VPS13B: variants seen among roughly 807,000 people sequenced by gnomAD.
VPS13B encodes vacuolar protein sorting 13 homolog B.
In VPS13B, 285 loss-of-function variants were observed where a neutral mutation model predicts 426.4. That is an observed-to-expected ratio of 0.67 (90% CI 0.61 to 0.74). The LOEUF is 0.74. Ranked by LOEUF, VPS13B falls within the 30% of genes least tolerant of loss-of-function variation. The pLI is 0.00. For synonymous variants in VPS13B, 1,676 were observed against 1,676.4 expected, an observed-to-expected ratio of 1.00 and a Z score of 0.01; for missense variants, 4,537 against 4,782.6, an observed-to-expected ratio of 0.95 and a Z score of 1.51.
chr8:99,037,539 T>A (rs575737881), intron 2 of VPS13B, among the ~76,000 whole-genome samples: 14 of 152,292 alleles, frequency 9.2e-5, no homozygotes, highest in African/African-American at 3.1e-4. Context: ...ATTGTTACTG[T>A]GTTGCTGAAC....
intron 19 of VPS13B, among the ~76,000 whole-genome samples, chr8:99,345,578 G>A (rs1313231922): frequency 3.3e-5 from 5 of 152,102 alleles, no homozygotes; most frequent in Admixed American, 1.3e-4. Flanking sequence ...AAAACAGTGA[G>A]TAGAACTTTG....
At chr8:99,301,542 G>A (rs944175108) in intron 19 of VPS13B, among the ~76,000 whole-genome samples, 1 of 151,654 alleles carries the variant, frequency 6.6e-6, no homozygotes, top group Non-Finnish European at 1.5e-5. Flanking sequence ...TGCCTGCCTC[G>A]GCCTCCCAAA....
At position 99,780,231 on chromosome 8, in the gene VPS13B, C is replaced by A. The variant is rs1398745307; in HGVS notation, c.7779+1200C>A. Among the ~76,000 whole-genome samples the A allele has an allele frequency of 2.6e-5, 4 of 152,018 alleles. No homozygotes were observed. The South Asian group carries it at 8.3e-4, about 32-fold the overall frequency. ...TGTGAAAAAAAAGACCTCTATGGCTCCAATTTCTGTTTTTTGGTTGTATTT... is the reference window on the plus strand; with the variant it reads ...TGTGAAAAAAAAGACCTCTATGGCTACAATTTCTGTTTTTTGGTTGTATTT... On this transcript the variant is annotated intron_variant, in intron 42 of 61. Transcript: ENST00000357162.
chr8:99,836,588 T>C (rs1418380167), intron 54 of VPS13B, among the ~76,000 whole-genome samples: 1 of 152,236 alleles, frequency 6.6e-6, no homozygotes, highest in African/African-American at 2.4e-5. Flanking sequence ...TGTTTTAGCA[T>C]GGATCAGAAC....
chr8:99,237,034 A>C (rs1439220445), intron 17 of VPS13B, among the ~76,000 whole-genome samples: 10 of 152,188 alleles, frequency 6.6e-5, no homozygotes, highest in Admixed American at 6.5e-4. Flanking sequence ...GGTTTTAAAA[A>C]GAGATGTTCC....
rs1350172118 is a variant in VPS13B at position 99,156,601 on chromosome 8, C to T, written c.2066C>T (p.Pro689Leu). ...TTNFQSLRPLPSIRILVDKIN... is the reference protein window; with the variant it reads ...TTNFQSLRPLLSIRILVDKIN... ...AACTTCCAGTCTCTTCGGCCTTTGC[C>T]ATCCATTCGAATATTGGTGGATAAA... is the stretch of plus-strand genomic sequence containing the variant. Residue 689 changes from proline (P) to leucine (L), a missense_variant, in exon 15 of 62, where the codon CCA becomes CTA. Pro to Leu is a moderately conservative substitution (Grantham distance 98). Coordinates refer to ENST00000357162, the MANE Select transcript of VPS13B (RefSeq NM_152564.5). The T allele has an allele frequency of 6.2e-7, 1 of 1,614,072 alleles. No homozygotes were observed. The highest frequency in any genetic ancestry group is 8.5e-7 in the Non-Finnish European group (1 of 1,179,928).
chr8:99,306,146 G>GAAT (rs1478207658), intron 19 of VPS13B, among the ~76,000 whole-genome samples: 2 of 152,204 alleles, frequency 1.3e-5, no homozygotes, highest in East Asian at 3.9e-4. Context: ...TCCTTGGAGT[G>GAAT]AATTAAGGGC....
chr8:99,191,539 A>C (rs533994535), intron 16 of VPS13B, among the ~76,000 whole-genome samples: 1 of 150,944 alleles, frequency 6.6e-6, no homozygotes, highest in African/African-American at 2.4e-5. Flanking sequence ...ACATGCCACC[A>C]CGCCCAGCTA....
At chr8:99,614,896 T>G (rs1588552407) in intron 33 of VPS13B, among the ~76,000 whole-genome samples, 1 of 151,888 alleles carries the variant, frequency 6.6e-6, no homozygotes, top group African/African-American at 2.4e-5. Flanking sequence ...GGCAGGTGGG[T>G]CACCTGAGGT....
rs572397145 is a variant in VPS13B at position 99,411,249 on chromosome 8, C to A, written c.3082+19545C>A. Among the ~76,000 whole-genome samples the A allele has an allele frequency of 2.6e-5, 4 of 152,280 alleles. No individual in the cohort carries two copies. In the East Asian group the frequency reaches 7.7e-4, roughly 29 times the overall value. On this transcript the variant is annotated intron_variant, in intron 21 of 61. Transcript: ENST00000357162. ...TTGTTTCCTGACTTTTTAATAATCG[C>A]CATTCTAACCGGCATGAGATGGTAT...
At chr8:99,501,324 G>A (rs758676253) in intron 25 of VPS13B, among the ~76,000 whole-genome samples, 1 of 152,126 alleles carries the variant, frequency 6.6e-6, no homozygotes, top group African/African-American at 2.4e-5. Flanking sequence ...TACATGAACG[G>A]ATTTGGCTGT....
At position 99,876,822 on chromosome 8, in the gene VPS13B, T is replaced by TACTA; in HGVS notation, c.*1158_*1161dup. 1 of 152,330 alleles carries TACTA rather than the reference T, an allele frequency of 6.6e-6. No homozygotes were observed. Among genetic ancestry groups the TACTA allele is most frequent in the East Asian group, 1.9e-4 (1 of 5,188 alleles). 9.4% of individuals were successfully genotyped at this position (152,330 alleles called of 1,614,324 possible). A position where few individuals can be genotyped will look rare whatever the true frequency, so the allele number is the denominator to read the frequency against. On this transcript the variant is annotated 3_prime_UTR_variant, in exon 62 of 62. Transcript: ENST00000357162. Reference sequence around the variant, plus strand: ...CAGCTTGTTACCTAGAATTTTGAGATACTAAGAGAATGCAATTTTAAATGC... The same window carrying TACTA: ...CAGCTTGTTACCTAGAATTTTGAGATACTAACTAAGAGAATGCAATTTTAAATGC...
chr8:99,761,116 A>C (rs1810907638), intron 39 of VPS13B, among the ~76,000 whole-genome samples: 1 of 152,232 alleles, frequency 6.6e-6, no homozygotes, highest in Non-Finnish European at 1.5e-5. Flanking sequence ...TTAAATTTTT[A>C]ATAGGGGTTT....
At chr8:99,437,632 C>G (rs1014937970) in intron 22 of VPS13B, among the ~76,000 whole-genome samples, 13 of 152,036 alleles carry the variant, frequency 8.6e-5, no homozygotes, top group Admixed American at 7.2e-4. Context: ...GCAGGAGAAT[C>G]GCTTGAACCT....
intron 39 of VPS13B, among the ~76,000 whole-genome samples, chr8:99,747,568 A>C (rs779349542): frequency 2.0e-5 from 3 of 152,106 alleles, no homozygotes; most frequent in Non-Finnish European, 4.4e-5. Context: ...TCAGTGTTGC[A>C]TATCAAGAAT....
At chr8:99,707,193 G>C (rs1363414644) in intron 36 of VPS13B, among the ~76,000 whole-genome samples, 1 of 152,140 alleles carries the variant, frequency 6.6e-6, no homozygotes, top group Non-Finnish European at 1.5e-5. Flanking sequence ...ACATGGTGCT[G>C]TAAAGAGGCA....
intron 23 of VPS13B, among the ~76,000 whole-genome samples, chr8:99,446,947 C>A (rs1158999316): frequency 6.6e-6 from 1 of 152,118 alleles, no homozygotes; most frequent in African/African-American, 2.4e-5. Flanking sequence ...TAAAATTTTA[C>A]ATAGGATATT....
intron 19 of VPS13B, among the ~76,000 whole-genome samples, chr8:99,382,594 G>A (rs1464474437): frequency 6.6e-6 from 1 of 152,074 alleles, no homozygotes; most frequent in East Asian, 1.9e-4. Flanking sequence ...TGAATGGATT[G>A]CATTCCTGAT....
At chr8:99,627,550 A>T (rs1828665587) in intron 33 of VPS13B, among the ~76,000 whole-genome samples, 2 of 151,942 alleles carry the variant, frequency 1.3e-5, no homozygotes, top group Admixed American at 6.6e-5. Context: ...CGCCCAGCTA[A>T]TTTTTGTATT....
Sources: gnomAD v4.1 joint callset for allele counts (sites outside exome capture counted in the v4.1 genomes callset) on GRCh38, gnomAD v4.1.1 for gene constraint, MANE v1.5 for transcripts, NCBI Gene and HGNC (gene_info 2026-07-23, HGNC 2026-07-21) for gene names.